Variants in CORIN observed in about 807,000 individuals in gnomAD.
CORIN encodes the protein corin, serine peptidase.
Under a neutral mutation model 125.3 loss-of-function variants are expected in CORIN, and 117 were observed. The ratio of observed to expected loss-of-function variants is 0.93; its 90% CI spans 0.80 to 1.09. The LOEUF (loss-of-function observed/expected upper bound fraction) is 1.09. Among genes scored for constraint, CORIN ranks in the 50% least tolerant of loss-of-function variants. CORIN has a pLI of 0.00. For synonymous variants in CORIN, 450 were observed against 466.4 expected, an observed-to-expected ratio of 0.96 and a Z score of 0.45; for missense variants, 1,253 against 1,306.7, an observed-to-expected ratio of 0.96 and a Z score of 0.63.
intron 13 of CORIN, among the ~76,000 whole-genome samples, chr4:47,651,800 T>C (rs1723739880): frequency 6.6e-6 from 1 of 152,202 alleles, no homozygotes; most frequent in Non-Finnish European, 1.5e-5. Context: ...AGAAACCTGA[T>C]ATTTTAGGGT....
rs1224081797 is a variant in CORIN at position 47,595,866 on chromosome 4, C to A, written c.2984G>T (p.Gly995Val). The change falls in exon 22 of 22, where the codon GGA becomes GTA. Residue 995 changes from glycine to valine, a missense_variant. Physicochemically the swap from Gly to Val is moderately radical, Grantham distance 109. Coordinates refer to ENST00000273857, the MANE Select transcript of CORIN (RefSeq NM_006587.4). ...SGGPLVCEKP[G>V]GRWTLFGLTS... is the part of the protein sequence containing the mutation. ...TAATCCAAATAATGTCCACCGTCCTCCAGGCTTCTCACAAACAAGAGGCCC... is the reference window on the plus strand; with the variant it reads ...TAATCCAAATAATGTCCACCGTCCTACAGGCTTCTCACAAACAAGAGGCCC... The A allele has an allele frequency of 6.2e-7, 1 of 1,612,644 alleles. No individual in the cohort carries two copies. The highest frequency in any genetic ancestry group is 8.5e-7 in the Non-Finnish European group (1 of 1,179,612).
At chr4:47,781,544 T>C (rs915651111) in intron 3 of CORIN, among the ~76,000 whole-genome samples, 1 of 152,264 alleles carries the variant, frequency 6.6e-6, no homozygotes, top group South Asian at 2.1e-4. Context: ...CAATGTTCTA[T>C]AGGTTCGATG....
intron 1 of CORIN, among the ~76,000 whole-genome samples, chr4:47,812,730 T>C (rs1426145764): frequency 6.6e-6 from 1 of 152,252 alleles, no homozygotes; most frequent in Non-Finnish European, 1.5e-5. Flanking sequence ...TTGCTATATA[T>C]GCAAATATTG....
At chr4:47,674,991 C>T (rs769765036) in intron 9 of CORIN, among the ~76,000 whole-genome samples, 46 of 152,114 alleles carry the variant, frequency 3.0e-4, no homozygotes, top group Non-Finnish European at 5.3e-4. Context: ...GATACTTTAC[C>T]ATAATACAAG....
rs554895396 is a variant in CORIN, at chr4:47,706,731, G to A, written c.800-13648C>T. On this transcript the variant is annotated intron_variant, in intron 5 of 21. Coordinates refer to ENST00000273857, the MANE Select transcript of CORIN (RefSeq NM_006587.4). Reference sequence around the variant, plus strand: ...GCTCTGGGAGTCCTGAATTCTTACTGGGTTGGTGAAGATTCCACATACAAA... The same window carrying A: ...GCTCTGGGAGTCCTGAATTCTTACTAGGTTGGTGAAGATTCCACATACAAA... 26 of 1,603,724 alleles carry A rather than the reference G, an allele frequency of 1.6e-5. No individual in the cohort carries two copies. In the African/African-American group the frequency reaches 2.5e-4, roughly 16 times the overall value.
intron 5 of CORIN, among the ~76,000 whole-genome samples, chr4:47,735,727 T>C (rs982234276): frequency 4.7e-4 from 71 of 152,148 alleles, no homozygotes; most frequent in African/African-American, 1.7e-3. Context: ...AAGACCACCC[T>C]GGCTAACACG....
At chr4:47,758,171 C>T (rs913623103) in intron 4 of CORIN, among the ~76,000 whole-genome samples, 2 of 151,930 alleles carry the variant, frequency 1.3e-5, no homozygotes, top group African/African-American at 4.8e-5. Context: ...GCCTGGCCTC[C>T]CAAAGTGCTG....
chr4:47,759,600 G>A (rs1729353749), intron 4 of CORIN, among the ~76,000 whole-genome samples: 1 of 152,078 alleles, frequency 6.6e-6, no homozygotes, highest in Non-Finnish European at 1.5e-5. Flanking sequence ...TGGCCAACAG[G>A]TATATGAAAA....
chr4:47,810,523 T>C (rs1254160652), intron 1 of CORIN, among the ~76,000 whole-genome samples: 2 of 152,230 alleles, frequency 1.3e-5, no homozygotes, highest in Non-Finnish European at 2.9e-5. Context: ...TTTTAAAAAC[T>C]GTCATGTTGT....
chr4:47,790,214 A>G, intron 2 of CORIN: 8 of 985,278 alleles, frequency 8.1e-6, no homozygotes, highest in Non-Finnish European at 9.6e-6. Context: ...AAGGAAAAAT[A>G]AAATACCTCT....
chr4:47,779,825 G>A (rs1730462233), intron 3 of CORIN, among the ~76,000 whole-genome samples: 2 of 152,176 alleles, frequency 1.3e-5, no homozygotes, highest in South Asian at 4.1e-4. Flanking sequence ...CAACCTAAGG[G>A]TTTTGAATTG....
chr4:47,702,455 T>C (rs900572162), intron 5 of CORIN, among the ~76,000 whole-genome samples: 12 of 152,150 alleles, frequency 7.9e-5, no homozygotes, highest in Non-Finnish European at 1.6e-4. Context: ...TCACAACGTT[T>C]ATGGAAAGAC....
At chr4:47,721,274 CT>C (rs1242563708) in intron 5 of CORIN, among the ~76,000 whole-genome samples, 216 of 143,358 alleles carry the variant, frequency 1.5e-3, no homozygotes, top group Non-Finnish European at 1.4e-3. Flanking sequence ...CTCATTTTTT[CT>C]TTTTTTTTTT....
intron 11 of CORIN, among the ~76,000 whole-genome samples, chr4:47,663,536 G>T (rs1021810636): frequency 3.3e-5 from 5 of 152,058 alleles, no homozygotes; most frequent in African/African-American, 1.2e-4. Flanking sequence ...CCAAAATTTT[G>T]ATTGAACAAC....
intron 12 of CORIN, among the ~76,000 whole-genome samples, chr4:47,656,196 C>T (rs1577790028): frequency 6.7e-6 from 1 of 148,854 alleles, no homozygotes; most frequent in Middle Eastern, 3.5e-3. Context: ...TCCCTTGTCG[C>T]CCAGGCTGGA....
rs1426971871 is a variant in CORIN at position 47,700,875 on chromosome 4, T to C, written c.800-7792A>G. ...AACCTGGGTGACCCAACACAATCTC[T>C]GCTCAGTCCTTCCCTCCTCAATGCT... On this transcript the variant is annotated intron_variant, in intron 5 of 21. Transcript: ENST00000273857. Among the ~76,000 whole-genome samples, 3 of 152,340 alleles carry C rather than the reference T, an allele frequency of 2.0e-5. No individual in the cohort carries two copies. The East Asian group carries it at 5.8e-4, about 29-fold the overall frequency.
intron 13 of CORIN, among the ~76,000 whole-genome samples, chr4:47,646,505 T>C (rs1284226689): frequency 6.6e-6 from 1 of 152,258 alleles, no homozygotes; most frequent in Non-Finnish European, 1.5e-5. Context: ...TGATGATTCA[T>C]GTGCAGTGCA....
intron 1 of CORIN, among the ~76,000 whole-genome samples, chr4:47,816,806 C>T (rs1732289157): frequency 6.6e-6 from 1 of 151,978 alleles, no homozygotes; most frequent in African/African-American, 2.4e-5. Flanking sequence ...CTGGCCACCA[C>T]CTAATAAATG....
At chr4:47,629,932 G>A (rs1425207595) in intron 16 of CORIN, among the ~76,000 whole-genome samples, 9 of 151,984 alleles carry the variant, frequency 5.9e-5, no homozygotes, top group South Asian at 2.1e-4. Flanking sequence ...ACAAGCAGAC[G>A]GCAAAGCTGG....
Sources: gnomAD v4.1 joint callset for allele counts (sites outside exome capture counted in the v4.1 genomes callset) on GRCh38, gnomAD v4.1.1 for gene constraint, MANE v1.5 for transcripts, NCBI Gene and HGNC (gene_info 2026-07-23, HGNC 2026-07-21) for gene names.